The following KLHDC4 variants were observed in gnomAD, a reference collection of about 807,000 sequenced individuals.
The protein encoded by KLHDC4 is kelch domain-containing protein 4.
A neutral mutation model predicts 62.4 loss-of-function variants in KLHDC4; 90 were observed. That is an observed-to-expected ratio of 1.44 (90% CI 1.22 to 1.72). The LOEUF (loss-of-function observed/expected upper bound fraction) is 1.72, where lower values mean the gene tolerates loss of function less well. Ranked by LOEUF, KLHDC4 falls within the 40% of genes most tolerant of loss-of-function variation. The pLI, the probability that KLHDC4 is intolerant of heterozygous loss-of-function variation, is 0.00. For missense variants in KLHDC4, 1,025 were observed against 699.7 expected (o/e 1.47, Z -5.25); for synonymous variants, 386 against 284.4 (o/e 1.36, Z -3.59).
chr16:87,704,233 G>A (rs905982317), downstream of KLHDC4, among the ~76,000 whole-genome samples: 1 of 151,968 alleles, frequency 6.6e-6, no homozygotes, highest in African/African-American at 2.4e-5. Context: ...GGAAGGAGGC[G>A]CCTGTGGAGA....
At chr16:87,728,757 G>C (rs374274270) in intron 6 of KLHDC4, among the ~76,000 whole-genome samples, 39 of 152,138 alleles carry the variant, frequency 2.6e-4, no homozygotes, top group African/African-American at 8.4e-4. Flanking sequence ...GAGGCATGTG[G>C]ATCATGAGGT....
At chr16:87,708,984 G>A (rs1304604800) in intron 10 of KLHDC4, among the ~76,000 whole-genome samples, 1 of 152,256 alleles carries the variant, frequency 6.6e-6, no homozygotes, top group African/African-American at 2.4e-5. Flanking sequence ...CCACAAACAA[G>A]CATGCTGTGG....
At chr16:87,726,718 T>C (rs71383666) in intron 7 of KLHDC4, 47 bp downstream of exon 7, 14,135 of 539,942 alleles carry the variant, frequency 0.026, 980 homozygotes, top group East Asian at 0.14. Context: ...GCGCCTCGCC[T>C]GTTTCCCGGT....
rs1168160249 is a variant in KLHDC4 at position 87,726,913 on chromosome 16, T to C, written c.611A>G (p.Tyr204Cys). ...GFHESTRDYI[Y>C]YNDVYAFNLD... ...ATTAAAGGCATACACGTCGTTGTAG[T>C]AGATGTAATCCCTGGTTAGAAGAAC... Residue 204 changes from tyrosine (Y) to cysteine (C), a missense_variant, in exon 7 of 12, where the codon TAC (tyrosine) becomes TGC (cysteine). Transcript: ENST00000270583. The C allele has an allele frequency of 1.4e-5, 22 of 1,613,946 alleles. No individual in the cohort carries two copies. Among genetic ancestry groups the C allele is most frequent in the Non-Finnish European group, 1.5e-5 (18 of 1,179,918 alleles).
intron 4 of KLHDC4, chr16:87,750,459 C>T (rs2043756453): frequency 6.6e-6 from 1 of 152,274 alleles, no homozygotes; most frequent in African/African-American, 2.4e-5. Context: ...GCAGGTGAAG[C>T]CCCATTTCCC....
intron 1 of KLHDC4, 90 bp downstream of exon 1, chr16:87,765,702 G>C (rs2046558735): frequency 7.7e-7 from 1 of 1,293,158 alleles, no homozygotes; most frequent in Non-Finnish European, 1.0e-6. Context: ...CGGCTCCCAC[G>C]GCCGACCCGT....
intron 2 of KLHDC4, 62 bp downstream of exon 2, chr16:87,761,887 A>C (rs2045946718): frequency 6.7e-7 from 1 of 1,499,572 alleles, no homozygotes; most frequent in Non-Finnish European, 9.3e-7. Context: ...TGCTATTTAA[A>C]GCAGTTTTTC....
intron 5 of KLHDC4, among the ~76,000 whole-genome samples, chr16:87,747,014 CG>C (rs2043138254): frequency 6.6e-6 from 1 of 152,228 alleles, no homozygotes; most frequent in East Asian, 1.9e-4. Context: ...CCGCAGCTGC[CG>C]GCCCAAGAGA....
chr16:87,734,859 T>G (rs190735508), intron 5 of KLHDC4, among the ~76,000 whole-genome samples: 1 of 151,202 alleles, frequency 6.6e-6, no homozygotes, highest in Admixed American at 6.6e-5. Context: ...ACACTACACA[T>G]GAGAGTCAAT....
At chr16:87,711,621 G>A (rs926403436) in intron 8 of KLHDC4, among the ~76,000 whole-genome samples, 178 bp from the exon 9 acceptor site, 2 of 152,180 alleles carry the variant, frequency 1.3e-5, no homozygotes, top group East Asian at 3.8e-4. Context: ...CTCCCCTCGA[G>A]TTCCACCCTT....
intron 5 of KLHDC4, among the ~76,000 whole-genome samples, chr16:87,733,470 G>A (rs188809640): frequency 1.5e-4 from 23 of 152,334 alleles, no homozygotes; most frequent in African/African-American, 5.3e-4. Context: ...AACAGGGTGC[G>A]TGTGCTGGGA....
At chr16:87,719,639 C>T (rs765354494) in intron 7 of KLHDC4, among the ~76,000 whole-genome samples, 10 of 149,724 alleles carry the variant, frequency 6.7e-5, no homozygotes, top group South Asian at 2.1e-4. Context: ...TCCCCCTCTC[C>T]GAGAAACACC....
At chr16:87,736,658 C>A (rs925381057) in intron 5 of KLHDC4, among the ~76,000 whole-genome samples, 3 of 152,166 alleles carry the variant, frequency 2.0e-5, no homozygotes, top group African/African-American at 7.2e-5. Context: ...TGATTAGTAG[C>A]CGTCTCCAGA....
At position 87,765,645 on chromosome 16, in the gene KLHDC4, G is replaced by C. The variant is rs2143559646; in HGVS notation, c.99+147C>G. The C allele has an allele frequency of 1.6e-5, 11 of 703,738 alleles. No individual in the cohort carries two copies. In the South Asian group the frequency reaches 2.1e-4, roughly 14 times the overall value. 43.6% of individuals were successfully genotyped at this position (703,738 alleles called of 1,614,324 possible). A position where few individuals can be genotyped will look rare whatever the true frequency, so the allele number is the denominator to read the frequency against. ...GCCCCGTCTGGGCTGCCCGGACGCG[G>C]CGCCGGGGCAGTTCCTACGGCCTCC... On this transcript the variant is annotated intron_variant, in intron 1 of 11. Transcript: ENST00000270583.
At chr16:87,714,197 C>G (rs141579013) in intron 8 of KLHDC4, among the ~76,000 whole-genome samples, 2 of 152,196 alleles carry the variant, frequency 1.3e-5, no homozygotes, top group East Asian at 3.8e-4. Flanking sequence ...AGGGGCCCAT[C>G]AGGAGCTGCT....
chr16:87,725,301 G>A (rs1248123286), intron 7 of KLHDC4, among the ~76,000 whole-genome samples: 2 of 152,150 alleles, frequency 1.3e-5, no homozygotes, highest in Non-Finnish European at 2.9e-5. Context: ...AATTACCACC[G>A]ACTACAGGCG....
chr16:87,748,583 G>C, intron 5 of KLHDC4, 90 bp downstream of exon 5: 4 of 1,515,910 alleles, frequency 2.6e-6, no homozygotes, highest in African/African-American at 2.8e-5. Context: ...CTGAACCCTG[G>C]TATTCTGAGG....
chr16:87,710,814 C>T (rs559963052), intron 9 of KLHDC4: 1 of 162,744 alleles, frequency 6.1e-6, no homozygotes, highest in Admixed American at 5.8e-5. Context: ...CTGGGACTGT[C>T]ACCCACTGCT....
intron 5 of KLHDC4, among the ~76,000 whole-genome samples, chr16:87,732,655 T>C (rs1426942549): frequency 6.6e-6 from 1 of 152,234 alleles, no homozygotes; most frequent in African/African-American, 2.4e-5. Flanking sequence ...TTCTATCAAC[T>C]TGACAAAGAT....
Sources: allele counts gnomAD v4.1 joint callset (sites outside exome capture counted in the v4.1 genomes callset), GRCh38; gene constraint gnomAD v4.1.1; transcripts MANE v1.5; gene names NCBI Gene and HGNC (gene_info 2026-07-23, HGNC 2026-07-21).